Variants in PRIM1 observed in about 807,000 individuals in gnomAD.
The protein encoded by PRIM1 is DNA primase small subunit.
Under a neutral mutation model 60.2 loss-of-function variants are expected in PRIM1, and 38 were observed. The ratio of observed to expected loss-of-function variants is 0.63; its 90% CI spans 0.49 to 0.83. The LOEUF is 0.83. Among genes scored for constraint, PRIM1 ranks in the 40% least tolerant of loss-of-function variants. PRIM1 has a pLI of 0.00. For synonymous variants in PRIM1, 158 were observed against 160.2 expected, an observed-to-expected ratio of 0.99 and a Z score of 0.10; for missense variants, 388 against 506.2, an observed-to-expected ratio of 0.77 and a Z score of 2.24.
intron 11 of PRIM1, among the ~76,000 whole-genome samples, chr12:56,736,096 G>A (rs889480946): frequency 6.6e-6 from 1 of 150,756 alleles, no homozygotes; most frequent in Non-Finnish European, 1.5e-5. Context: ...TCGTGAGTTC[G>A]AGACCAGCCT....
At chr12:56,748,321 A>C (rs1162297384) in intron 2 of PRIM1, among the ~76,000 whole-genome samples, 1 of 152,116 alleles carries the variant, frequency 6.6e-6, no homozygotes, top group African/African-American at 2.4e-5. Context: ...AAGCTAGAAG[A>C]TTTCTCTCTA....
At chr12:56,751,916 C>T (rs1364205952) in intron 1 of PRIM1, 1 of 199,870 alleles carries the variant, frequency 5.0e-6, no homozygotes, top group Non-Finnish European at 1.0e-5. Flanking sequence ...TGCAGGTAAA[C>T]GGGGCACCTA....
chr12:56,743,258 T>G (rs1385305925), intron 6 of PRIM1, among the ~76,000 whole-genome samples, 162 bp from the exon 7 acceptor site: 4 of 152,150 alleles, frequency 2.6e-5, no homozygotes, highest in African/African-American at 9.7e-5. Flanking sequence ...GTTATGATAA[T>G]TAAATGAGAC....
rs536971655 is a variant in PRIM1 at position 56,751,212 on chromosome 12, C to T, written c.104-17G>A. 268 of 1,473,110 alleles carry T rather than the reference C, an allele frequency of 1.8e-4. 4 individuals carry two copies. In the South Asian group the frequency reaches 3.4e-3, roughly 19 times the overall value. The allele number at this position is 1,473,110 out of a possible 1,614,324, so 91.3% of individuals were successfully genotyped here. A position where few individuals can be genotyped will look rare whatever the true frequency, so the allele number is the denominator to read the frequency against. ...TCTTTATCACTGCAAAATAAATGTACATTTTAAAGTTAATTTGCTACTTTA... is the reference window on the plus strand; with the variant it reads ...TCTTTATCACTGCAAAATAAATGTATATTTTAAAGTTAATTTGCTACTTTA... On this transcript the variant is annotated splice_polypyrimidine_tract_variant and intron_variant, in intron 1 of 12. Transcript: ENST00000338193.
chr12:56,745,976 A>G, intron 5 of PRIM1, 69 bp downstream of exon 5: 6 of 1,432,198 alleles, frequency 4.2e-6, no homozygotes, highest in Non-Finnish European at 4.7e-6. Flanking sequence ...TTTCTTTGAC[A>G]GTAAACATAT....
At position 56,752,290 on chromosome 12, in the gene PRIM1, C is replaced by T; in HGVS notation, c.9G>A (p.Thr3=). 1 of 1,580,656 alleles carries T rather than the reference C, an allele frequency of 6.3e-7. No individual in the cohort carries two copies. Among genetic ancestry groups the T allele is most frequent in the Non-Finnish European group, 8.6e-7 (1 of 1,162,826 alleles). ME[T]FDPTELPELL... ...GCTCGGGCAGCTCGGTGGGGTCAAA[C>T]GTCTCCATTGAGCGCGGAACTCGCC... Residue 3 remains threonine (T), a synonymous_variant, in exon 1 of 13, where the codon ACG becomes ACA. Coordinates refer to ENST00000338193, the MANE Select transcript of PRIM1 (RefSeq NM_000946.3).
chr12:56,746,407 C>G (rs1328159429), intron 4 of PRIM1: 1 of 660,916 alleles, frequency 1.5e-6, no homozygotes, highest in African/African-American at 1.8e-5. Context: ...CCGAGGTGGG[C>G]AGATCACGAG....
intron 12 of PRIM1, 93 bp downstream of exon 12, chr12:56,734,054 G>A (rs1953804468): frequency 1.3e-6 from 1 of 773,820 alleles, no homozygotes; most frequent in Middle Eastern, 2.8e-4. Flanking sequence ...TAAATTTTGG[G>A]AGGAGGGCAA....
chr12:56,734,858 C>A (rs578220821), intron 11 of PRIM1, among the ~76,000 whole-genome samples: 32 of 143,342 alleles, frequency 2.2e-4, no homozygotes, highest in Non-Finnish European at 4.3e-4. Context: ...GTTGCCCAGG[C>A]TGGAGTGCAA....
chr12:56,733,183 G>A (rs1002496813), intron 12 of PRIM1, among the ~76,000 whole-genome samples: 11 of 125,564 alleles, frequency 8.8e-5, no homozygotes, highest in Non-Finnish European at 1.3e-4. Context: ...TTGAGACGGA[G>A]TTTTGCTCTT....
chr12:56,746,889 T>G, intron 3 of PRIM1, 35 bp from the exon 4 acceptor site: 1 of 1,612,962 alleles, frequency 6.2e-7, no homozygotes, highest in Non-Finnish European at 8.5e-7. Flanking sequence ...TTGTCAGTGA[T>G]ACCACCCACC....
intron 12 of PRIM1, 56 bp downstream of exon 12, chr12:56,734,091 C>G (rs1953804740): frequency 3.9e-6 from 5 of 1,273,392 alleles, no homozygotes; most frequent in Non-Finnish European, 5.5e-6. Flanking sequence ...AAAAATTGCT[C>G]ATTTCTACTA....
intron 4 of PRIM1, among the ~76,000 whole-genome samples, 180 bp downstream of exon 4, chr12:56,746,601 A>G (rs1032262804): frequency 2.7e-5 from 4 of 149,914 alleles, no homozygotes; most frequent in Non-Finnish European, 5.9e-5. Flanking sequence ...ACTGCACTCC[A>G]GCCTGGCTGA....
At chr12:56,747,786 A>G (rs760374404) in intron 2 of PRIM1, among the ~76,000 whole-genome samples, 2 of 152,158 alleles carry the variant, frequency 1.3e-5, no homozygotes, top group Non-Finnish European at 2.9e-5. Flanking sequence ...ATAAGTTTTT[A>G]TAACTGTAAG....
chr12:56,742,929 TATA>T, intron 7 of PRIM1, 55 bp downstream of exon 7: 1 of 1,264,804 alleles, frequency 7.9e-7, no homozygotes, highest in Non-Finnish European at 1.1e-6. Flanking sequence ...GTCTAACATT[TATA>T]ATATCACAGA....
chr12:56,744,168 A>G, intron 5 of PRIM1, 45 bp from the exon 6 acceptor site: 2 of 1,374,916 alleles, frequency 1.5e-6, no homozygotes, highest in Non-Finnish European at 2.0e-6. Context: ...ATACAATATA[A>G]ATACAGTCAT....
chr12:56,745,374 G>A (rs571595959), intron 5 of PRIM1, among the ~76,000 whole-genome samples: 12 of 151,726 alleles, frequency 7.9e-5, no homozygotes, highest in African/African-American at 2.4e-4. Context: ...TCACGTTACC[G>A]TACTCCAGCC....
At position 56,734,218 on chromosome 12, in the gene PRIM1, T is replaced by A. The variant is rs774767139; in HGVS notation, c.1172A>T (p.Tyr391Phe). Residue 391 changes from tyrosine (Y) to phenylalanine (F), a missense_variant, in exon 12 of 13, where the codon TAT becomes TTT. Physicochemically the swap from Tyr to Phe is conservative, Grantham distance 22. Coordinates refer to ENST00000338193, the MANE Select transcript of PRIM1 (RefSeq NM_000946.3). ...RDYKKTSLAP[Y>F]VKVFEHFLEN... is the part of the protein sequence containing the mutation. The stretch of plus-strand genomic sequence containing the variant: ...AAGAAAATGTTCAAAAACTTTCACA[T>A]AAGGTGCTAGACTGGTCTTCTTATA... The A allele has an allele frequency of 1.2e-6, 2 of 1,604,810 alleles. No homozygotes were observed. The highest frequency in any genetic ancestry group is 1.1e-5 in the South Asian group (1 of 90,640).
chr12:56,738,641 T>A, intron 10 of PRIM1, 116 bp from the exon 11 acceptor site: 1 of 1,032,200 alleles, frequency 9.7e-7, no homozygotes, highest in Non-Finnish European at 1.4e-6. Flanking sequence ...AACCTCCGCC[T>A]CCCAGGTTCA....
Sources: gnomAD v4.1 joint callset for allele counts (sites outside exome capture counted in the v4.1 genomes callset) on GRCh38, gnomAD v4.1.1 for gene constraint, MANE v1.5 for transcripts, NCBI Gene and HGNC (gene_info 2026-07-23, HGNC 2026-07-21) for gene names.